Variants in GRID2 observed in about 807,000 individuals in gnomAD.
GRID2 encodes glutamate receptor ionotropic, delta-2.
GRID2 carries 33 observed loss-of-function variants against 114.8 expected under a neutral mutation model. That is an observed-to-expected ratio of 0.29 (90% confidence interval 0.22 to 0.38). The LOEUF is 0.38. Ranked by LOEUF, GRID2 falls within the 10% of genes least tolerant of loss-of-function variation. The pLI is 1.00. For missense variants in GRID2, 1,184 were observed against 1,257.7 expected, an observed-to-expected ratio of 0.94 and a Z score of 0.89; for synonymous variants, 505 against 449.9, an observed-to-expected ratio of 1.12 and a Z score of -1.55.
intron 2 of GRID2, among the ~76,000 whole-genome samples, chr4:92,994,907 CT>C (rs1322653844): frequency 2.0e-5 from 3 of 152,134 alleles, no homozygotes; most frequent in Non-Finnish European, 4.4e-5. Context: ...TTTCCCAACT[CT>C]GTTTGGTGAC....
At chr4:93,286,432 T>C (rs1753158461) in intron 8 of GRID2, among the ~76,000 whole-genome samples, 3 of 152,142 alleles carry the variant, frequency 2.0e-5, no homozygotes, top group Admixed American at 2.0e-4. Flanking sequence ...ATGGACTGAA[T>C]CTGCATTCTA....
chr4:92,439,818 G>A (rs79068407), intron 1 of GRID2, among the ~76,000 whole-genome samples: 2 of 146,100 alleles, frequency 1.4e-5, no homozygotes, highest in African/African-American at 4.9e-5. Flanking sequence ...TACTTCAAGA[G>A]TTAAGAGTGG....
At chr4:93,025,428 T>G (rs971952651) in intron 2 of GRID2, among the ~76,000 whole-genome samples, 6 of 151,764 alleles carry the variant, frequency 4.0e-5, no homozygotes, top group Non-Finnish European at 8.9e-5. Context: ...CCTATAATAT[T>G]CTCCTCAACC....
intron 8 of GRID2, among the ~76,000 whole-genome samples, chr4:93,359,748 A>G (rs1761703179): frequency 7.2e-6 from 1 of 138,116 alleles, no homozygotes; most frequent in African/African-American, 2.6e-5. Flanking sequence ...CAAATGAAAC[A>G]GTAGCTCCAA....
chr4:92,904,806 A>G (rs1481269203), intron 2 of GRID2, among the ~76,000 whole-genome samples: 1 of 152,048 alleles, frequency 6.6e-6, no homozygotes, highest in Non-Finnish European at 1.5e-5. Flanking sequence ...AAAGAACTTT[A>G]GATTAATGAA....
intron 9 of GRID2, among the ~76,000 whole-genome samples, chr4:93,418,148 A>G (rs901540771): frequency 2.0e-5 from 3 of 151,524 alleles, no homozygotes; most frequent in African/African-American, 7.3e-5. Flanking sequence ...AATGCTATTC[A>G]CTCCTACTTC....
In GRID2 at chr4:93,563,485, T is replaced by A. The variant is rs551034540; in HGVS notation, c.2193+48074T>A. ...ACTAAATAAGCTTATCTTTTCTGAATGTATCGTATAGATTTGTACCAAAAA... is the reference window on the plus strand; with the variant it reads ...ACTAAATAAGCTTATCTTTTCTGAAAGTATCGTATAGATTTGTACCAAAAA... On this transcript the variant is annotated intron_variant, in intron 13 of 15. Transcript: ENST00000282020. Among the ~76,000 whole-genome samples the A allele has an allele frequency of 1.3e-3, 196 of 152,086 alleles. No individual in the cohort carries two copies. In the Middle Eastern group the frequency reaches 0.014, roughly 11 times the overall value.
intron 1 of GRID2, among the ~76,000 whole-genome samples, chr4:93,806,117 A>T (rs1413948534): frequency 6.6e-6 from 1 of 152,212 alleles, no homozygotes; most frequent in South Asian, 2.1e-4. Flanking sequence ...TAAACAAAAA[A>T]AAGCGTATAT....
intron 8 of GRID2, among the ~76,000 whole-genome samples, chr4:93,255,822 C>A (rs1193324596): frequency 1.3e-5 from 2 of 152,114 alleles, no homozygotes; most frequent in Non-Finnish European, 2.9e-5. Flanking sequence ...GCTAAATAGA[C>A]CTTTATTCCT....
intron 10 of GRID2, among the ~76,000 whole-genome samples, chr4:93,453,968 T>C (rs1338120302): frequency 6.6e-6 from 1 of 152,040 alleles, no homozygotes; most frequent in South Asian, 2.1e-4. Context: ...ATTTCACAAA[T>C]AGATTAAACT....
intron 12 of GRID2, among the ~76,000 whole-genome samples, chr4:93,492,557 C>G (rs973066733): frequency 1.3e-5 from 2 of 151,730 alleles, no homozygotes; most frequent in African/African-American, 4.8e-5. Flanking sequence ...TGAAATTCTC[C>G]AAATCCTCAA....
chr4:93,490,349 C>T (rs1380339067), intron 11 of GRID2, among the ~76,000 whole-genome samples: 1 of 151,760 alleles, frequency 6.6e-6, no homozygotes, highest in Non-Finnish European at 1.5e-5. Context: ...AAAGCATATA[C>T]CTGTGATTAT....
At chr4:92,739,962 A>T (rs901336713) in intron 2 of GRID2, among the ~76,000 whole-genome samples, 1 of 152,206 alleles carries the variant, frequency 6.6e-6, no homozygotes, top group Non-Finnish European at 1.5e-5. Context: ...AAGGGAATCC[A>T]TAATCTCATT....
At chr4:93,160,055 A>G (rs1041297272) in intron 4 of GRID2, among the ~76,000 whole-genome samples, 5 of 151,822 alleles carry the variant, frequency 3.3e-5, no homozygotes, top group Admixed American at 1.3e-4. Flanking sequence ...ATCTATCTGT[A>G]ACTCAAAGGA....
chr4:92,669,956 A>G (rs1732975914), intron 2 of GRID2, among the ~76,000 whole-genome samples: 1 of 152,074 alleles, frequency 6.6e-6, no homozygotes, highest in African/African-American at 2.4e-5. Flanking sequence ...TAATTGAGCT[A>G]TTCCTCATTA....
intron 2 of GRID2, among the ~76,000 whole-genome samples, chr4:92,871,970 G>T (rs1044948085): frequency 3.9e-5 from 6 of 152,034 alleles, no homozygotes; most frequent in African/African-American, 1.2e-4. Context: ...CGTATAAAAA[G>T]AAATAAACTC....
intron 1 of GRID2, among the ~76,000 whole-genome samples, chr4:92,323,995 T>A (rs527718345): frequency 2.0e-4 from 31 of 152,096 alleles, no homozygotes; most frequent in Admixed American, 3.9e-4. Flanking sequence ...AATAGCCCGA[T>A]TATGTAGAAT....
chr4:92,942,554 A>G (rs1234895366), intron 2 of GRID2, among the ~76,000 whole-genome samples: 1 of 152,138 alleles, frequency 6.6e-6, no homozygotes, highest in Non-Finnish European at 1.5e-5. Context: ...TAATTGGAGC[A>G]TTTATCCCAT....
At chr4:92,933,835 C>A (rs1211534663) in intron 2 of GRID2, among the ~76,000 whole-genome samples, 1 of 151,306 alleles carries the variant, frequency 6.6e-6, no homozygotes, top group Non-Finnish European at 1.5e-5. Context: ...TTCAAAAGCC[C>A]CCTATTTTCT....
Sources: gnomAD v4.1 joint callset for allele counts (sites outside exome capture counted in the v4.1 genomes callset) on GRCh38, gnomAD v4.1.1 for gene constraint, MANE v1.5 for transcripts, NCBI Gene and HGNC (gene_info 2026-07-23, HGNC 2026-07-21) for gene names.